The following CDH12 variants were observed in gnomAD, a reference collection of about 807,000 sequenced individuals.
The protein encoded by CDH12 is cadherin 12.
CDH12 carries 41 observed loss-of-function variants against 74.1 expected under a neutral mutation model. The ratio of observed to expected loss-of-function variants is 0.55; its 90% CI spans 0.43 to 0.72. The LOEUF (loss-of-function observed/expected upper bound fraction) is 0.72, where lower values mean the gene tolerates loss of function less well. Ranked by LOEUF, CDH12 falls within the 30% of genes least tolerant of loss-of-function variation. The probability of loss-of-function intolerance (pLI) is 0.00; values close to 1 mark genes in which losing one functional copy is unlikely to be tolerated. For missense variants in CDH12, 945 were observed against 977.2 expected (o/e 0.97, Z 0.44); for synonymous variants, 399 against 355.0 (o/e 1.12, Z -1.39).
intron 3 of CDH12, among the ~76,000 whole-genome samples, chr5:22,286,054 T>C (rs1369265467): frequency 1.3e-5 from 2 of 152,182 alleles, no homozygotes; most frequent in African/African-American, 4.8e-5. Flanking sequence ...ACAATATAAA[T>C]ACTCTTAGTT....
intron 4 of CDH12, among the ~76,000 whole-genome samples, chr5:22,083,884 A>G (rs190600558): frequency 1.9e-4 from 29 of 152,306 alleles, no homozygotes; most frequent in Non-Finnish European, 3.5e-4. Context: ...GTTATTTTTC[A>G]AAACCTAAGC....
chr5:22,558,469 T>G (rs142376985), intron 1 of CDH12, among the ~76,000 whole-genome samples: 2 of 152,090 alleles, frequency 1.3e-5, no homozygotes, highest in African/African-American at 4.8e-5. Context: ...CTCCTAACAA[T>G]ATGACCAACT....
chr5:21,781,731 A>AC (rs1224595286), intron 11 of CDH12, among the ~76,000 whole-genome samples: 2 of 151,852 alleles, frequency 1.3e-5, no homozygotes, highest in African/African-American at 4.8e-5. Context: ...TCTCAAAAAA[A>AC]AAAAAAGTGG....
chr5:22,835,972 A>T (rs541026311), intron 1 of CDH12, among the ~76,000 whole-genome samples: 50 of 152,234 alleles, frequency 3.3e-4, no homozygotes, highest in African/African-American at 1.1e-3. Context: ...TGGAAACTGC[A>T]ATCTTCCTTT....
intron 2 of CDH12, among the ~76,000 whole-genome samples, chr5:22,447,523 A>T (rs1744862356): frequency 1.3e-5 from 2 of 152,258 alleles, no homozygotes; most frequent in South Asian, 4.1e-4. Flanking sequence ...CACAGGAAGG[A>T]AACTATTTTT....
chr5:21,859,231 ATAGTTGAG>A (rs1439284047), intron 6 of CDH12, among the ~76,000 whole-genome samples: 2 of 152,080 alleles, frequency 1.3e-5, no homozygotes, highest in South Asian at 2.1e-4. Context: ...TAATTGACTC[ATAGTTGAG>A]TATGGCTGGG....
chr5:21,761,725 A>G (rs1744728380), intron 12 of CDH12, among the ~76,000 whole-genome samples: 1 of 137,612 alleles, frequency 7.3e-6, no homozygotes, highest in African/African-American at 2.7e-5. Flanking sequence ...AGGTAGGTAG[A>G]TGGATGGATG....
intron 3 of CDH12, among the ~76,000 whole-genome samples, chr5:22,361,589 C>T (rs1331053076): frequency 1.3e-5 from 2 of 152,100 alleles, no homozygotes; most frequent in African/African-American, 4.8e-5. Context: ...CTTTAAAGTT[C>T]ATATGGAGCC....
intron 3 of CDH12, among the ~76,000 whole-genome samples, chr5:22,263,973 C>CT (rs1233605161): frequency 1.3e-5 from 2 of 151,764 alleles, no homozygotes; most frequent in Non-Finnish European, 2.9e-5. Context: ...TTGCTAATTT[C>CT]TTTTTTTAAA....
intron 7 of CDH12, 51 bp from the exon 8 acceptor site, chr5:21,842,379 T>C: frequency 7.7e-7 from 1 of 1,293,374 alleles, no homozygotes; most frequent in Non-Finnish European, 1.1e-6. Flanking sequence ...ATGCTCTGTT[T>C]TCTGAAATAA....
intron 6 of CDH12, among the ~76,000 whole-genome samples, chr5:21,943,006 G>A (rs1755407793): frequency 6.6e-6 from 1 of 152,092 alleles, no homozygotes; most frequent in South Asian, 2.1e-4. Context: ...TCCCCTAGAT[G>A]TTCTCATGAT....
intron 1 of CDH12, among the ~76,000 whole-genome samples, chr5:22,548,580 G>T (rs1738430454): frequency 6.6e-6 from 1 of 151,972 alleles, no homozygotes; most frequent in Non-Finnish European, 1.5e-5. Flanking sequence ...CAGCTTGTTG[G>T]TGTCTCTCCC....
intron 4 of CDH12, among the ~76,000 whole-genome samples, chr5:22,165,156 T>C (rs1438006290): frequency 6.6e-6 from 1 of 152,162 alleles, no homozygotes; most frequent in Non-Finnish European, 1.5e-5. Flanking sequence ...GTCATTCCTT[T>C]GCTCATCACC....
chr5:22,336,805 C>A (rs888709725), intron 3 of CDH12, among the ~76,000 whole-genome samples: 4 of 152,178 alleles, frequency 2.6e-5, no homozygotes, highest in Admixed American at 2.6e-4. Context: ...GAGGTCGGAG[C>A]CCCCACACAG....
chr5:22,598,505 C>A (rs75615119), intron 1 of CDH12, among the ~76,000 whole-genome samples: 1 of 152,154 alleles, frequency 6.6e-6, no homozygotes, highest in Admixed American at 6.5e-5. Flanking sequence ...CCTCCCCAGA[C>A]ATCTGGATCT....
chr5:22,717,395 T>G (rs1247471364), intron 1 of CDH12, among the ~76,000 whole-genome samples: 1 of 152,196 alleles, frequency 6.6e-6, no homozygotes, highest in African/African-American at 2.4e-5. Context: ...CTATACCATA[T>G]AACCTAGGTG....
In CDH12 at chr5:21,836,242, C is replaced by T. The variant is rs374530469; in HGVS notation, c.814+5919G>A. On this transcript the variant is annotated intron_variant, in intron 8 of 14. Coordinates refer to ENST00000382254, the MANE Select transcript of CDH12 (RefSeq NM_004061.5). ...CAATTATTGTGTAAATGATGTTTTA[C>T]TGACTTGTAACAGAATCAAAAATAA... 2.5e-3 allele frequency among the ~76,000 whole-genome samples: 377 copies of T among 151,716 alleles called. 1 individual carries two copies. The highest frequency in any genetic ancestry group is 3.9e-3 in the Non-Finnish European group (266 of 67,780).
chr5:21,987,549 C>A (rs1757569870), intron 5 of CDH12, among the ~76,000 whole-genome samples: 2 of 152,144 alleles, frequency 1.3e-5, no homozygotes, highest in Admixed American at 6.5e-5. Flanking sequence ...GCTTTCTGTC[C>A]ATCACTGAGA....
Position 22,140,048 on chromosome 5 carries a change from G to A in CDH12, c.-186-61186C>T, listed in dbSNP as rs367740462. On this transcript the variant is annotated intron_variant, in intron 4 of 14. Transcript: ENST00000382254. ...GAAACGTGTTGCCAAACAAATCCCC[G>A]GAACTTTCACCCCTTTGCATAGCTA... Among the ~76,000 whole-genome samples the A allele has an allele frequency of 9.2e-5, 14 of 152,130 alleles. No individual in the cohort carries two copies. In the South Asian group the frequency reaches 1.2e-3, roughly 14 times the overall value.
Sources: gnomAD v4.1 joint callset for allele counts (sites outside exome capture counted in the v4.1 genomes callset) on GRCh38, gnomAD v4.1.1 for gene constraint, MANE v1.5 for transcripts, NCBI Gene and HGNC (gene_info 2026-07-23, HGNC 2026-07-21) for gene names.